HYAL2: variants seen among roughly 807,000 people sequenced by gnomAD.
The protein encoded by HYAL2 is hyaluronidase-2.
HYAL2 carries 30 observed loss-of-function variants against 35.4 expected under a neutral mutation model. The ratio of observed to expected loss-of-function variants is 0.85; its 90% CI spans 0.63 to 1.15. HYAL2 has a LOEUF of 1.15. Among genes scored for constraint, HYAL2 ranks in the 50% most tolerant of loss-of-function variants. The pLI is 0.00. For synonymous variants in HYAL2, 262 were observed against 252.8 expected (o/e 1.04, Z -0.34); for missense variants, 635 against 646.5 (o/e 0.98, Z 0.19).
rs1702666136 is a variant in HYAL2, at chr3:50,320,616, C to T, written c.-46-81G>A. 2.2e-6 allele frequency: 2 copies of T among 898,418 alleles called. No homozygotes were observed. Among genetic ancestry groups the T allele is most frequent in the South Asian group, 3.6e-5 (2 of 55,604 alleles). The allele number at this position is 898,418 out of a possible 1,614,324, so 55.7% of individuals were successfully genotyped here. A position where few individuals can be genotyped will look rare whatever the true frequency, so the allele number is the denominator to read the frequency against. On this transcript the variant is annotated intron_variant, in intron 1 of 3. Transcript: ENST00000357750. The surrounding 1 kb of genome is among the most constrained non-coding windows in gnomAD (Gnocchi z 4.8). ...CTCAAGCCCATCTATGCTCCCAAAG[C>T]CCATGCTGTGTGGGGGCACTGTGCT...
At position 50,318,920 on chromosome 3, in the gene HYAL2, C is replaced by G; in HGVS notation, c.1011+36G>C. On this transcript the variant is annotated intron_variant, in intron 3 of 3. Coordinates refer to ENST00000357750, the MANE Select transcript of HYAL2 (RefSeq NM_003773.5). This position sits in a 1 kb window ranked among gnomAD's most constrained non-coding sequence, Gnocchi z 4.5. ...AAAGGCCCTAACTCTCTGTCTGTCC[C>G]ATAGACTGAGCTCTGGCAGGCTGGG... is the stretch of plus-strand genomic sequence containing the variant. 6.4e-7 allele frequency: 1 copy of G among 1,568,790 alleles called. No homozygotes were observed. The highest frequency in any genetic ancestry group is 8.8e-7 in the Non-Finnish European group (1 of 1,139,142).
rs1164854167 is a variant in HYAL2 at position 50,319,048 on chromosome 3, A to G, written c.922-3T>C. 7 of 1,591,794 alleles carry G rather than the reference A, an allele frequency of 4.4e-6. No individual in the cohort carries two copies. In the African/African-American group the frequency reaches 5.4e-5, roughly 12 times the overall value. ...CCAATGGTAGAGATGAGGTCCATCT[A>G]TGCAGGAAAAGGGATGGTCACTGGG... On this transcript the variant is annotated splice_region_variant and splice_polypyrimidine_tract_variant and intron_variant, in intron 2 of 3. Transcript: ENST00000357750.
intron 1 of HYAL2, chr3:50,321,645 G>A (rs1356485766): frequency 6.6e-6 from 1 of 152,146 alleles, no homozygotes; most frequent in African/African-American, 2.4e-5. Context: ...GCCCATTTAG[G>A]ACCCTAATGC....
intron 1 of HYAL2, chr3:50,321,816 G>T (rs1575532823): frequency 7.3e-5 from 1 of 13,618 alleles, no homozygotes; most frequent in Admixed American, 1.4e-3. Flanking sequence ...GGGACGGGAA[G>T]GGGGGGGGGG....
At position 50,318,451 on chromosome 3, in the gene HYAL2, C is replaced by G; in HGVS notation, c.1100G>C (p.Arg367Pro). ...NVSWATQYCS[R>P]AQCHGHGRCV... ...GCGCCCATGGCCATGGCACTGGGCCCGGCTGCAATATTGGGTGGCCCAGGA... is the reference window on the plus strand; with the variant it reads ...GCGCCCATGGCCATGGCACTGGGCCGGGCTGCAATATTGGGTGGCCCAGGA... Residue 367 changes from arginine to proline, a missense_variant, in exon 4 of 4, where the codon CGG becomes CCG. Physicochemically the swap from Arg to Pro is moderately radical, Grantham distance 103 (BLOSUM62 -2). Transcript: ENST00000357750. This position sits in a 1 kb window ranked among gnomAD's most constrained non-coding sequence, Gnocchi z 4.5. The G allele has an allele frequency of 1.2e-6, 2 of 1,613,186 alleles. No homozygotes were observed. The highest frequency in any genetic ancestry group is 1.1e-5 in the South Asian group (1 of 91,082).
rs1553716388 is a variant in HYAL2, at chr3:50,320,188, G to A, written c.302C>T (p.Pro101Leu). 1.2e-6 allele frequency: 2 copies of A among 1,613,936 alleles called. No homozygotes were observed. Among genetic ancestry groups the A allele is most frequent in the Non-Finnish European group, 1.7e-6 (2 of 1,180,052 alleles). Residue 101 changes from proline to leucine, a missense_variant, in exon 2 of 4, where the codon CCA becomes CTA. Transcript: ENST00000357750. This position sits in a 1 kb window ranked among gnomAD's most constrained non-coding sequence, Gnocchi z 4.8. Reference protein sequence around the residue: ...SAGRSVHGGVPQNVSLWAHRK... With the variant: ...SAGRSVHGGVLQNVSLWAHRK... ...GTGTGCCCAAAGGCTGACATTCTGT[G>A]GCACACCACCATGCACAGACCTTCC...
rs782098116 is a variant in HYAL2, at chr3:50,319,529, CAAGG to C, written c.921+36_921+39del. The C allele has an allele frequency of 6.4e-6, 10 of 1,550,808 alleles. No homozygotes were observed. The South Asian group carries it at 1.2e-4, about 18-fold the overall frequency. ...ATAACCCAAATGTGCAGTGGATCCTCAAGGAAGGAGAAAAAAGGCAGGGCCCTGG... is the reference window on the plus strand; with the variant it reads ...ATAACCCAAATGTGCAGTGGATCCTCAAGGAGAAAAAAGGCAGGGCCCTGG... On this transcript the variant is annotated intron_variant, in intron 2 of 3. Coordinates refer to ENST00000357750, the MANE Select transcript of HYAL2 (RefSeq NM_003773.5).
Position 50,318,249 on chromosome 3 carries a change from A to T in HYAL2, c.1302T>A (p.Ser434Arg). 1.2e-6 allele frequency: 2 copies of T among 1,613,392 alleles called. No individual in the cohort carries two copies. Among genetic ancestry groups the T allele is most frequent in the Non-Finnish European group, 1.7e-6 (2 of 1,179,970 alleles). The stretch of plus-strand genomic sequence containing the variant: ...TATGGTCCCACTGGCATTGCTCACC[A>T]CTCCAGCCCAAGTAGCACTGGCAGC... The part of the protein sequence containing the change: ...HFRCQCYLGW[S>R]GEQCQWDHRQ... The change falls in exon 4 of 4, where the codon AGT becomes AGA. Residue 434 changes from serine to arginine, a missense_variant. By Grantham distance (110) the Ser-to-Arg change is moderately radical (BLOSUM62 -1). Transcript: ENST00000357750. This position sits in a 1 kb window ranked among gnomAD's most constrained non-coding sequence, Gnocchi z 4.5.
chr3:50,320,519 T>C lies in HYAL2; in HGVS notation c.-30A>G, dbSNP rs1240932474. 6.7e-7 allele frequency: 1 copy of C among 1,495,068 alleles called. No homozygotes were observed. Among genetic ancestry groups the C allele is most frequent in the East Asian group, 2.3e-5 (1 of 43,194 alleles). The allele number at this position is 1,495,068 out of a possible 1,614,324, so 92.6% of individuals were successfully genotyped here. On this transcript the variant is annotated 5_prime_UTR_variant, in exon 2 of 4. Coordinates refer to ENST00000357750, the MANE Select transcript of HYAL2 (RefSeq NM_003773.5). This position sits in a 1 kb window ranked among gnomAD's most constrained non-coding sequence, Gnocchi z 4.8. ...GGGGCTGCAGGAGGTGTCACCTGCC[T>C]GGCACCAGCTCAGGAACTGGAAGAA...
rs1553716553 is a variant in HYAL2 at position 50,320,689 on chromosome 3, A to C, written c.-46-154T>G. 3 of 540,314 alleles carry C rather than the reference A, an allele frequency of 5.6e-6. No individual in the cohort carries two copies. Among genetic ancestry groups the C allele is most frequent in the Non-Finnish European group, 9.6e-6 (3 of 313,826 alleles). The allele number at this position is 540,314 out of a possible 1,614,324, so 33.5% of individuals were successfully genotyped here. A position where few individuals can be genotyped will look rare whatever the true frequency, so the allele number is the denominator to read the frequency against. On this transcript the variant is annotated intron_variant, in intron 1 of 3. Transcript: ENST00000357750. The surrounding 1 kb of genome is among the most constrained non-coding windows in gnomAD (Gnocchi z 4.8). ...GACCACAGGCCACTGCAGGGCAGAC[A>C]AGGCACCCTGGGAACTCACTGCCAG...
At position 50,322,328 on chromosome 3, in the gene HYAL2, A is replaced by C. The variant is rs1297607610; in HGVS notation, c.-47+325T>G. On this transcript the variant is annotated intron_variant, in intron 1 of 3. Coordinates refer to ENST00000357750, the MANE Select transcript of HYAL2 (RefSeq NM_003773.5). This position sits in a 1 kb window ranked among gnomAD's most constrained non-coding sequence, Gnocchi z 5.5. Reference sequence around the variant, plus strand: ...GGAGCCCGGCTCCCTCTCAACCCCGAGGAGGCCTCCATTCCTTGCAGCAGT... The same window carrying C: ...GGAGCCCGGCTCCCTCTCAACCCCGCGGAGGCCTCCATTCCTTGCAGCAGT... The C allele has an allele frequency of 6.6e-6, 1 of 151,746 alleles. No homozygotes were observed. The highest frequency in any genetic ancestry group is 6.6e-5 in the Admixed American group (1 of 15,262). 9.4% of individuals were successfully genotyped at this position (151,746 alleles called of 1,614,324 possible).
rs782067918 is a variant in HYAL2, at chr3:50,318,950, G to A, written c.1011+6C>T. ...ACTGAGCTCTGGCAGGCTGGGTCTC[G>A]CTTACCGTGCTTGTGGTGTACCCCG... is the stretch of plus-strand genomic sequence containing the variant. On this transcript the variant is annotated splice_donor_region_variant and intron_variant, in intron 3 of 3. Coordinates refer to ENST00000357750, the MANE Select transcript of HYAL2 (RefSeq NM_003773.5). The surrounding 1 kb of genome is among the most constrained non-coding windows in gnomAD (Gnocchi z 4.5). The A allele has an allele frequency of 1.9e-6, 3 of 1,612,640 alleles. No individual in the cohort carries two copies. Among genetic ancestry groups the A allele is most frequent in the South Asian group, 1.1e-5 (1 of 91,064 alleles).
chr3:50,321,434 G>A (rs973278703), intron 1 of HYAL2: 2 of 152,148 alleles, frequency 1.3e-5, no homozygotes, highest in Non-Finnish European at 2.9e-5. Context: ...AGCCCGCTCC[G>A]GCCGTTCGCC....
rs782010090 is a variant in HYAL2, at chr3:50,318,085, C to T, written c.*44G>A. On this transcript the variant is annotated 3_prime_UTR_variant, in exon 4 of 4. Transcript: ENST00000357750. This position sits in a 1 kb window ranked among gnomAD's most constrained non-coding sequence, Gnocchi z 4.5. ...AGGGTCCTACATGCCTAAGAGAGCCCTTGTGGTAGAGGCCAGCTTGCTAGG... is the reference window on the plus strand; with the variant it reads ...AGGGTCCTACATGCCTAAGAGAGCCTTTGTGGTAGAGGCCAGCTTGCTAGG... 5 of 1,524,208 alleles carry T rather than the reference C, an allele frequency of 3.3e-6. No individual in the cohort carries two copies. Among genetic ancestry groups the T allele is most frequent in the Non-Finnish European group, 4.4e-6 (5 of 1,136,006 alleles). 94.4% of individuals were successfully genotyped at this position (1,524,208 alleles called of 1,614,324 possible). A position where few individuals can be genotyped will look rare whatever the true frequency, so the allele number is the denominator to read the frequency against.
At chr3:50,319,460 G>A in intron 2 of HYAL2, 109 bp downstream of exon 2, 3 of 916,616 alleles carry the variant, frequency 3.3e-6, no homozygotes, top group Non-Finnish European at 4.9e-6. Context: ...GAGGGGATGT[G>A]GAGCAGCCAA....
intron 1 of HYAL2, chr3:50,321,391 G>GCGCCAGGGCCAC (rs1363089860): frequency 2.6e-5 from 4 of 152,142 alleles, no homozygotes; most frequent in African/African-American, 9.7e-5. Context: ...ACCGGGACCG[G>GCGCCAGGGCCAC]CGCCAGGGCC....
Position 50,320,375 on chromosome 3 carries a change from C to T in HYAL2, c.115G>A (p.Ala39Thr). 2 of 1,613,014 alleles carry T rather than the reference C, an allele frequency of 1.2e-6. No homozygotes were observed. The highest frequency in any genetic ancestry group is 1.7e-6 in the Non-Finnish European group (2 of 1,179,520). The change falls in exon 2 of 4, where the codon GCG (alanine) becomes ACG (threonine). Residue 39 changes from alanine (A) to threonine (T), a missense_variant. By Grantham distance (58) the Ala-to-Thr change is moderately conservative (BLOSUM62 0). Transcript: ENST00000357750. The surrounding 1 kb of genome is among the most constrained non-coding windows in gnomAD (Gnocchi z 4.8). ...CAGTCCTGTGTGGGCACGTCCCACGCTACCACAAAGGGCCGGCCAGTGAAG... is the reference window on the plus strand; with the variant it reads ...CAGTCCTGTGTGGGCACGTCCCACGTTACCACAAAGGGCCGGCCAGTGAAG... ...PIFTGRPFVV[A>T]WDVPTQDCGP...
At position 50,318,603 on chromosome 3, in the gene HYAL2, A is replaced by T; in HGVS notation, c.1012-64T>A. The stretch of plus-strand genomic sequence containing the variant: ...TGCCTCAGCCCACAGGCCCAGATGG[A>T]AACTGTGTCCACACTGTGATGACTA... On this transcript the variant is annotated intron_variant, in intron 3 of 3. Transcript: ENST00000357750. The surrounding 1 kb of genome is among the most constrained non-coding windows in gnomAD (Gnocchi z 4.5). 4.9e-6 allele frequency: 7 copies of T among 1,423,806 alleles called. No homozygotes were observed. The highest frequency in any genetic ancestry group is 5.8e-6 in the Non-Finnish European group (6 of 1,037,156). 88.2% of individuals were successfully genotyped at this position (1,423,806 alleles called of 1,614,324 possible). A position where few individuals can be genotyped will look rare whatever the true frequency, so the allele number is the denominator to read the frequency against.
chr3:50,318,679 C>T lies in HYAL2; in HGVS notation c.1012-140G>A. 1.2e-6 allele frequency: 1 copy of T among 856,276 alleles called. No homozygotes were observed. Among genetic ancestry groups the T allele is most frequent in the Non-Finnish European group, 1.8e-6 (1 of 561,046 alleles). The allele number at this position is 856,276 out of a possible 1,614,324, so 53.0% of individuals were successfully genotyped here. On this transcript the variant is annotated intron_variant, in intron 3 of 3. Coordinates refer to ENST00000357750, the MANE Select transcript of HYAL2 (RefSeq NM_003773.5). This position sits in a 1 kb window ranked among gnomAD's most constrained non-coding sequence, Gnocchi z 4.5. ...ATACATTCAATCTGCACCTGAGCCA[C>T]ACAGTCCCTGCTCCTGCTGAGAAGT...
Sources: gnomAD v4.1 joint callset for allele counts on GRCh38, gnomAD v4.1.1 for gene constraint, Gnocchi (gnomAD v3.1) non-coding constraint, MANE v1.5 for transcripts, NCBI Gene and HGNC (gene_info 2026-07-23, HGNC 2026-07-21) for gene names.